MAF: variants seen among roughly 807,000 people sequenced by gnomAD.
MAF encodes MAF bZIP transcription factor, also known as transcription factor Maf.
MAF carries 10 observed loss-of-function variants against 22.0 expected under a neutral mutation model. The ratio of observed to expected loss-of-function variants is 0.45; its 90% CI spans 0.28 to 0.77. MAF has a LOEUF of 0.77. Ranked by LOEUF, MAF falls within the 30% of genes least tolerant of loss-of-function variation. MAF has a pLI of 0.12. For synonymous variants in MAF, 337 were observed against 255.8 expected (o/e 1.32, Z -3.03); for missense variants, 544 against 548.4 (o/e 0.99, Z 0.08).
chr16:79,261,708 G>A, the MAF span, among the ~76,000 whole-genome samples: 1 of 152,160 alleles, frequency 6.6e-6, no homozygotes, highest in Non-Finnish European at 1.5e-5. Context: ...AGCCTTTGCC[G>A]CTTGCAGAGT....
chr16:79,367,484 T>C, the MAF span, among the ~76,000 whole-genome samples: 3 of 152,330 alleles, frequency 2.0e-5, no homozygotes, highest in East Asian at 1.9e-4. Context: ...ATCCAAGACA[T>C]GACCCTTATA....
chr16:79,367,923 C>A, the MAF span, among the ~76,000 whole-genome samples: 2 of 152,210 alleles, frequency 1.3e-5, no homozygotes, highest in African/African-American at 4.8e-5. Flanking sequence ...AGGAGAAATG[C>A]TTTCCAAAGA....
the MAF span, among the ~76,000 whole-genome samples, chr16:79,261,222 A>C: frequency 1.3e-5 from 2 of 152,108 alleles, no homozygotes; most frequent in East Asian, 3.9e-4. Flanking sequence ...GCATGATCTC[A>C]GTTCACTGCA....
At chr16:79,372,688 T>G in the MAF span, among the ~76,000 whole-genome samples, 1 of 152,142 alleles carries the variant, frequency 6.6e-6, no homozygotes, top group African/African-American at 2.4e-5. Flanking sequence ...TTGAGAAATT[T>G]CATGTTTGAC....
At chr16:79,465,562 C>A in the MAF span, among the ~76,000 whole-genome samples, 1 of 152,278 alleles carries the variant, frequency 6.6e-6, no homozygotes, top group Admixed American at 6.5e-5. Context: ...ATCGCACCAC[C>A]ACACTCCAGC....
chr16:79,291,746 T>C, the MAF span, among the ~76,000 whole-genome samples: 3 of 149,026 alleles, frequency 2.0e-5, no homozygotes, highest in African/African-American at 7.5e-5. Context: ...GATATATTAT[T>C]TATTCATTCA....
chr16:79,322,192 C>T, the MAF span, among the ~76,000 whole-genome samples: 1 of 152,248 alleles, frequency 6.6e-6, no homozygotes, highest in South Asian at 2.1e-4. Context: ...AAGATCGCTC[C>T]ACTGCACTCC....
At chr16:79,491,617 G>A in the MAF span, among the ~76,000 whole-genome samples, 1 of 152,098 alleles carries the variant, frequency 6.6e-6, no homozygotes, top group African/African-American at 2.4e-5. Flanking sequence ...TGCATGCACT[G>A]CTGCTATGCC....
chr16:79,578,711 G>C, the MAF span, among the ~76,000 whole-genome samples: 1 of 152,090 alleles, frequency 6.6e-6, no homozygotes, highest in African/African-American at 2.4e-5. Flanking sequence ...CTGAGAAATA[G>C]ATAAATAAAT....
At chr16:79,277,204 ACG>A in the MAF span, among the ~76,000 whole-genome samples, 7 of 152,064 alleles carry the variant, frequency 4.6e-5, no homozygotes, top group African/African-American at 7.2e-5. Context: ...AATCTAGGAC[ACG>A]TGCAGTTCGG....
chr16:79,282,538 C>T, the MAF span, among the ~76,000 whole-genome samples: 2 of 152,108 alleles, frequency 1.3e-5, no homozygotes. Context: ...AACTTGGAGT[C>T]CCAGGAATAC....
the MAF span, among the ~76,000 whole-genome samples, chr16:79,455,219 A>C: frequency 1.3e-5 from 2 of 152,180 alleles, no homozygotes; most frequent in African/African-American, 4.8e-5. Flanking sequence ...CAGTATCCTC[A>C]AAGTGAAGCC....
chr16:79,241,253 G>A, the MAF span, among the ~76,000 whole-genome samples: 2 of 151,998 alleles, frequency 1.3e-5, no homozygotes, highest in Non-Finnish European at 2.9e-5. Flanking sequence ...CCGAGCTAAA[G>A]GAGCATGTTC....
At chr16:79,512,626 G>A in the MAF span, among the ~76,000 whole-genome samples, 1 of 152,160 alleles carries the variant, frequency 6.6e-6, no homozygotes, top group African/African-American at 2.4e-5. Context: ...ATCCTAGGAA[G>A]GTGAGGGTGT....
At chr16:79,556,435 T>A in the MAF span, among the ~76,000 whole-genome samples, 2 of 152,190 alleles carry the variant, frequency 1.3e-5, no homozygotes, top group African/African-American at 4.8e-5. Context: ...TTGTATTGGG[T>A]TTCTGCTTTT....
At chr16:79,359,233 C>T in the MAF span, among the ~76,000 whole-genome samples, 1 of 152,130 alleles carries the variant, frequency 6.6e-6, no homozygotes, top group East Asian at 1.9e-4. Context: ...TTTCCTAAAC[C>T]AGGTCATCTT....
At chr16:79,472,306 AG>A in the MAF span, among the ~76,000 whole-genome samples, 1 of 152,218 alleles carries the variant, frequency 6.6e-6, no homozygotes, top group African/African-American at 2.4e-5. Context: ...GTCTACATAA[AG>A]ACTTCTATGT....
chr16:79,498,313 T>C, the MAF span, among the ~76,000 whole-genome samples: 1 of 152,230 alleles, frequency 6.6e-6, no homozygotes, highest in Non-Finnish European at 1.5e-5. Context: ...ATAGACAATG[T>C]GCCAATGAGT....
chr16:79,407,919 G>C, the MAF span, among the ~76,000 whole-genome samples: 60,413 of 151,476 alleles, frequency 0.4, 13,002 homozygotes, highest in East Asian at 0.84. Context: ...GACAAGGAAA[G>C]GGGCGGGTTA....
Sources: allele counts gnomAD v4.1 joint callset (sites outside exome capture counted in the v4.1 genomes callset), GRCh38; gene constraint gnomAD v4.1.1; transcripts MANE v1.5; gene names NCBI Gene and HGNC (gene_info 2026-07-23, HGNC 2026-07-21).